RAB3C: variants seen among roughly 807,000 people sequenced by gnomAD.
RAB3C encodes ras-related protein Rab-3C.
In RAB3C, 17 loss-of-function variants were observed where a neutral mutation model predicts 26.4. That is an observed-to-expected ratio of 0.64 (90% CI 0.44 to 0.97). The LOEUF is 0.97. RAB3C is among the 50% of genes least tolerant of loss of function. The probability of loss-of-function intolerance (pLI) is 0.00; values close to 1 mark genes in which losing one functional copy is unlikely to be tolerated. For missense variants in RAB3C, 242 were observed against 281.9 expected (o/e 0.86, Z 1.01); for synonymous variants, 91 against 95.9 (o/e 0.95, Z 0.30).
intron 3 of RAB3C, among the ~76,000 whole-genome samples, chr5:58,765,889 AGAGC>A (rs1196151476): frequency 6.6e-6 from 1 of 152,274 alleles, no homozygotes; most frequent in East Asian, 1.9e-4. Flanking sequence ...TGTTCTCATG[AGAGC>A]GAGTGAGTTC....
At chr5:58,727,195 A>G (rs1740909719) in intron 3 of RAB3C, among the ~76,000 whole-genome samples, 1 of 151,956 alleles carries the variant, frequency 6.6e-6, no homozygotes, top group South Asian at 2.1e-4. Flanking sequence ...AGTGAGGGTC[A>G]GATACTCTTA....
At position 58,680,966 on chromosome 5, in the gene RAB3C, C is replaced by T. The variant is rs529468677; in HGVS notation, c.253-45036C>T. On this transcript the variant is annotated intron_variant, in intron 2 of 4. Coordinates refer to ENST00000282878, the MANE Select transcript of RAB3C (RefSeq NM_138453.4). ...TTGCTTCACTCAGCTGTTTAAACAG[C>T]AAGTACATAAATCTTAATGGAATAA... 4.6e-5 allele frequency among the ~76,000 whole-genome samples: 7 copies of T among 152,130 alleles called. 1 individual carries two copies. Among genetic ancestry groups the T allele is most frequent in the African/African-American group, 1.7e-4 (7 of 41,514 alleles).
intron 1 of RAB3C, among the ~76,000 whole-genome samples, chr5:58,585,177 A>C (rs1387729048): frequency 1.3e-5 from 2 of 152,054 alleles, no homozygotes; most frequent in Non-Finnish European, 2.9e-5. Context: ...TAAAGCACAT[A>C]CATTAATTCA....
upstream of RAB3C, among the ~76,000 whole-genome samples, chr5:58,582,849 G>T (rs544906527): frequency 6.6e-6 from 1 of 152,382 alleles, no homozygotes; most frequent in East Asian, 1.9e-4. Flanking sequence ...AAGAGCAGGG[G>T]AGACTGGGAG....
intron 3 of RAB3C, among the ~76,000 whole-genome samples, chr5:58,820,873 C>G (rs1435864400): frequency 6.6e-6 from 1 of 152,088 alleles, no homozygotes; most frequent in East Asian, 1.9e-4. Flanking sequence ...AATGTATAAC[C>G]TATTACAGCA....
chr5:58,651,650 C>A (rs1747651045), intron 2 of RAB3C, among the ~76,000 whole-genome samples: 1 of 152,094 alleles, frequency 6.6e-6, no homozygotes. Context: ...ATTATTCATT[C>A]ATCCAACAAA....
intron 2 of RAB3C, among the ~76,000 whole-genome samples, chr5:58,707,843 CT>C (rs773155174): frequency 1.3e-5 from 2 of 152,160 alleles, no homozygotes; most frequent in Non-Finnish European, 2.9e-5. Flanking sequence ...ACTCTTCACT[CT>C]ATTTTTCCCC....
At chr5:58,807,961 C>T (rs1166709486) in intron 3 of RAB3C, among the ~76,000 whole-genome samples, 1 of 152,134 alleles carries the variant, frequency 6.6e-6, no homozygotes, top group Non-Finnish European at 1.5e-5. Context: ...TGCGGTGGCT[C>T]ACACCTGTAA....
chr5:58,714,346 A>G (rs1475433016), intron 2 of RAB3C, among the ~76,000 whole-genome samples: 2 of 152,206 alleles, frequency 1.3e-5, no homozygotes, highest in African/African-American at 4.8e-5. Context: ...AAGATAGACT[A>G]TAACTAGAAT....
In RAB3C at chr5:58,818,768, G is replaced by A. The variant is rs1032310923; in HGVS notation, c.372-6270G>A. Among the ~76,000 whole-genome samples, 3 of 152,170 alleles carry A rather than the reference G, an allele frequency of 2.0e-5. No individual in the cohort carries two copies. In the South Asian group the frequency reaches 6.2e-4, roughly 32 times the overall value. On this transcript the variant is annotated intron_variant, in intron 3 of 4. Transcript: ENST00000282878. Reference sequence around the variant, plus strand: ...TCAGTGTGTGTCTCTACCCAACAAAGAAATAAGACAGTCTCTCTCATGAGA... The same window carrying A: ...TCAGTGTGTGTCTCTACCCAACAAAAAAATAAGACAGTCTCTCTCATGAGA...
chr5:58,823,128 A>G, intron 3 of RAB3C: 1 of 422,026 alleles, frequency 2.4e-6, no homozygotes, highest in Middle Eastern at 8.1e-4. Context: ...GATGCAGATT[A>G]CATGCATTAC....
chr5:58,737,394 AATATATATAT>A (rs55691242), intron 3 of RAB3C, among the ~76,000 whole-genome samples: 1,264 of 37,840 alleles, frequency 0.033, 16 homozygotes, highest in Non-Finnish European at 0.046. Flanking sequence ...CACCCTATGA[AATATATATAT>A]ATATATATAT....
rs191728489 is a variant in RAB3C at position 58,766,807 on chromosome 5, A to G, written c.371+40687A>G. 4.6e-5 allele frequency among the ~76,000 whole-genome samples: 7 copies of G among 152,354 alleles called. No homozygotes were observed. The East Asian group carries it at 1.3e-3, about 29-fold the overall frequency. On this transcript the variant is annotated intron_variant, in intron 3 of 4. Transcript: ENST00000282878. ...GCACAAGAAATACCTGTTAGGGTTT[A>G]GAGAGTAACACAGGCTAGCATGTAG...
At chr5:58,796,814 G>C (rs1006834400) in intron 3 of RAB3C, among the ~76,000 whole-genome samples, 4 of 152,058 alleles carry the variant, frequency 2.6e-5, no homozygotes, top group Non-Finnish European at 5.9e-5. Context: ...TGCTGCTGGA[G>C]GTTCCTATGG....
chr5:58,709,413 A>G (rs1749012991), intron 2 of RAB3C, among the ~76,000 whole-genome samples: 1 of 152,118 alleles, frequency 6.6e-6, no homozygotes. Flanking sequence ...TCCACAATTC[A>G]CAGTCCAGTC....
intron 3 of RAB3C, among the ~76,000 whole-genome samples, chr5:58,728,959 G>A (rs1740944689): frequency 6.6e-6 from 1 of 151,866 alleles, no homozygotes; most frequent in Non-Finnish European, 1.5e-5. Context: ...TACTTCCTCT[G>A]TCATCTTTAA....
intron 3 of RAB3C, among the ~76,000 whole-genome samples, chr5:58,803,314 T>TA (rs1293950953): frequency 1.3e-5 from 2 of 152,228 alleles, no homozygotes; most frequent in African/African-American, 4.8e-5. Flanking sequence ...TGCACTAGGC[T>TA]AAAATTTTAG....
chr5:58,697,882 AGTCTAT>A (rs1748752716), intron 2 of RAB3C, among the ~76,000 whole-genome samples: 1 of 152,164 alleles, frequency 6.6e-6, no homozygotes, highest in Non-Finnish European at 1.5e-5. Context: ...ACAATTTGCC[AGTCTAT>A]GTCTTTTAAT....
chr5:58,796,812 G>C (rs564884221), intron 3 of RAB3C, among the ~76,000 whole-genome samples: 2 of 152,248 alleles, frequency 1.3e-5, no homozygotes, highest in South Asian at 4.2e-4. Context: ...GCTGCTGCTG[G>C]AGGTTCCTAT....
Sources: allele counts gnomAD v4.1 joint callset (sites outside exome capture counted in the v4.1 genomes callset), GRCh38; gene constraint gnomAD v4.1.1; transcripts MANE v1.5; gene names NCBI Gene and HGNC (gene_info 2026-07-23, HGNC 2026-07-21).